The following IL1RAPL1 variants were observed in gnomAD, a reference collection of about 807,000 sequenced individuals.
IL1RAPL1 encodes the protein interleukin-1 receptor accessory protein-like 1.
Under a neutral mutation model 48.4 loss-of-function variants are expected in IL1RAPL1, and 3 were observed. The observed-to-expected ratio is 0.06, with a 90% CI of 0.03 to 0.16. IL1RAPL1 has a LOEUF of 0.16. Ranked by LOEUF, IL1RAPL1 falls within the 10% of genes least tolerant of loss-of-function variation. The pLI is 1.00. For synonymous variants in IL1RAPL1, 185 were observed against 187.7 expected (o/e 0.99, Z 0.12); for missense variants, 349 against 530.6 (o/e 0.66, Z 3.36).
Position 28,701,934 on chromosome X carries a change from TAATAA to T in IL1RAPL1, c.-24-87379_-24-87375del, listed in dbSNP as rs1935304173. 1.5e-4 allele frequency among the ~76,000 whole-genome samples: 17 copies of T among 111,980 alleles called. No individual in the cohort carries two copies. In the South Asian group the frequency reaches 6.3e-3, roughly 42 times the overall value. On this transcript the variant is annotated intron_variant, in intron 1 of 10. Transcript: ENST00000378993. The stretch of plus-strand genomic sequence containing the variant: ...TATTATACATCAAATACCTTTAGGT[TAATAA>T]AATAAAGCAAGACATACTTATTTTC...
intron 1 of IL1RAPL1, among the ~76,000 whole-genome samples, chrX:28,598,609 C>T (rs1933982923): frequency 9.6e-6 from 1 of 103,754 alleles, no homozygotes; most frequent in African/African-American, 3.5e-5. Context: ...GTTTGGAATG[C>T]AGTATAGAAA....
At chrX:28,893,575 G>A (rs746029497) in intron 2 of IL1RAPL1, among the ~76,000 whole-genome samples, 1 of 111,600 alleles carries the variant, frequency 9.0e-6, no homozygotes, top group Admixed American at 9.6e-5. Flanking sequence ...GGCATGTTGA[G>A]TAAAGCCAAT....
intron 6 of IL1RAPL1, among the ~76,000 whole-genome samples, chrX:29,725,880 A>G (rs1465141868): frequency 8.9e-6 from 1 of 112,313 alleles, no homozygotes; most frequent in Non-Finnish European, 1.9e-5. Flanking sequence ...ACCTCACCTG[A>G]TCTCTGATAT....
At position 29,077,617 on chromosome X, in the gene IL1RAPL1, A is replaced by G. The variant is rs1299225240; in HGVS notation, c.83-205321A>G. 4.2e-4 allele frequency among the ~76,000 whole-genome samples: 41 copies of G among 96,663 alleles called. 1 individual carries two copies. Among genetic ancestry groups the G allele is most frequent in the African/African-American group, 1.8e-3 (41 of 22,356 alleles). 83.9% of individuals were successfully genotyped at this position (96,663 alleles called of 115,157 possible). A position where few individuals can be genotyped will look rare whatever the true frequency, so the allele number is the denominator to read the frequency against. On this transcript the variant is annotated intron_variant, in intron 2 of 10. Transcript: ENST00000378993. ...GACTCTGTCTCAAAAAGAAAAAAAA[A>G]AAAAAGAAAAAGAAAACCGAAAACC...
At position 28,759,937 on chromosome X, in the gene IL1RAPL1, A is replaced by G. The variant is rs145871256; in HGVS notation, c.-24-29383A>G. ...AAAAAAGACAAATATCCTCTAAATC[A>G]TGCATGCCTGTTTTCATTAGCTACT... On this transcript the variant is annotated intron_variant, in intron 1 of 10. Transcript: ENST00000378993. Among the ~76,000 whole-genome samples the G allele has an allele frequency of 4.6e-4, 52 of 112,038 alleles. No homozygotes were observed. The East Asian group carries it at 0.013, about 28-fold the overall frequency.
At chrX:29,087,769 C>G (rs1267792718) in intron 2 of IL1RAPL1, among the ~76,000 whole-genome samples, 1 of 112,460 alleles carries the variant, frequency 8.9e-6, no homozygotes, top group Non-Finnish European at 1.9e-5. Flanking sequence ...CTCAATGGCT[C>G]ACACCTGTAA....
chrX:28,867,744 G>GT (rs1009966469), intron 2 of IL1RAPL1, among the ~76,000 whole-genome samples: 6 of 110,629 alleles, frequency 5.4e-5, no homozygotes, highest in Admixed American at 3.9e-4. Flanking sequence ...TATACTTTGG[G>GT]TTTTTTTTCA....
intron 5 of IL1RAPL1, among the ~76,000 whole-genome samples, chrX:29,548,726 G>A (rs948561914): frequency 9.0e-6 from 1 of 111,331 alleles, no homozygotes; most frequent in East Asian, 2.8e-4. Flanking sequence ...ATTCACTTTC[G>A]TTATTTTAAA....
chrX:29,425,094 G>A (rs1333299072), intron 5 of IL1RAPL1, among the ~76,000 whole-genome samples: 2 of 111,541 alleles, frequency 1.8e-5, no homozygotes, highest in Non-Finnish European at 3.8e-5. Context: ...AGCCATTTTA[G>A]CCTCTTTTCA....
At position 29,619,883 on chromosome X, in the gene IL1RAPL1, T is replaced by C. The variant is rs577848876; in HGVS notation, c.704-48547T>C. Among the ~76,000 whole-genome samples the C allele has an allele frequency of 3.0e-4, 34 of 111,953 alleles. No individual in the cohort carries two copies. In the South Asian group the frequency reaches 0.012, roughly 40 times the overall value. On this transcript the variant is annotated intron_variant, in intron 5 of 10. Transcript: ENST00000378993. ...AAAGGCTTCCACAGGAAAAAAGGCT[T>C]CATATTGATATTATTTTGTACAATT...
At chrX:29,553,441 G>C (rs1921885329) in intron 5 of IL1RAPL1, among the ~76,000 whole-genome samples, 1 of 111,333 alleles carries the variant, frequency 9.0e-6, no homozygotes. Flanking sequence ...CCGTTAGTTT[G>C]GTTGTAGAGT....
chrX:29,119,922 C>G (rs760343751), intron 2 of IL1RAPL1, among the ~76,000 whole-genome samples: 117 of 111,617 alleles, frequency 1.0e-3, no homozygotes, highest in African/African-American at 3.6e-3. Context: ...GGGGTTTAAT[C>G]AGAGCCTAAC....
At chrX:28,770,754 T>C (rs917818127) in intron 1 of IL1RAPL1, among the ~76,000 whole-genome samples, 16 of 112,260 alleles carry the variant, frequency 1.4e-4, no homozygotes, top group African/African-American at 4.5e-4. Context: ...AAGCTATCCT[T>C]TGTATGCATA....
chrX:29,231,609 G>T (rs980025814), intron 2 of IL1RAPL1, among the ~76,000 whole-genome samples: 1 of 111,089 alleles, frequency 9.0e-6, no homozygotes, highest in African/African-American at 3.3e-5. Context: ...ATTGACATTG[G>T]ACATGGTCTG....
chrX:28,635,473 G>A (rs1001753401), intron 1 of IL1RAPL1, among the ~76,000 whole-genome samples: 4 of 111,434 alleles, frequency 3.6e-5, no homozygotes, highest in South Asian at 3.7e-4. Flanking sequence ...TCTATCCTTC[G>A]CTTTCAGTAC....
rs772442029 is a variant in IL1RAPL1, at chrX:29,139,933, T to G, written c.83-143005T>G. On this transcript the variant is annotated intron_variant, in intron 2 of 10. Coordinates refer to ENST00000378993, the MANE Select transcript of IL1RAPL1 (RefSeq NM_014271.4). ...TGTCTTAGTCAATTTTGTGTTGCTA[T>G]AAAGGAATCCCTGAGAGTGGATAAT... is the stretch of plus-strand genomic sequence containing the variant. 8.1e-5 allele frequency among the ~76,000 whole-genome samples: 9 copies of G among 111,522 alleles called. No homozygotes were observed. The South Asian group carries it at 3.4e-3, about 42-fold the overall frequency.
intron 2 of IL1RAPL1, among the ~76,000 whole-genome samples, chrX:28,801,741 A>G (rs1288916223): frequency 1.8e-5 from 2 of 111,989 alleles, no homozygotes; most frequent in Non-Finnish European, 3.8e-5. Context: ...ACCTTATAAT[A>G]CCCACAGCAG....
chrX:28,826,536 A>C (rs774022903), intron 2 of IL1RAPL1, among the ~76,000 whole-genome samples: 1 of 111,681 alleles, frequency 9.0e-6, no homozygotes, highest in African/African-American at 3.2e-5. Flanking sequence ...AAGTTGACTT[A>C]ACTTTCAAGA....
At chrX:29,174,257 T>C (rs1251019651) in intron 2 of IL1RAPL1, among the ~76,000 whole-genome samples, 1 of 111,302 alleles carries the variant, frequency 9.0e-6, no homozygotes, top group Non-Finnish European at 1.9e-5. Flanking sequence ...GACAGTGTAT[T>C]GATATGAGAT....
Sources: gnomAD v4.1 joint callset for allele counts (sites outside exome capture counted in the v4.1 genomes callset) on GRCh38, gnomAD v4.1.1 for gene constraint, MANE v1.5 for transcripts, NCBI Gene and HGNC (gene_info 2026-07-23, HGNC 2026-07-21) for gene names.